The following SULF1 variants were observed in gnomAD, a reference collection of about 807,000 sequenced individuals.
The protein encoded by SULF1 is extracellular sulfatase Sulf-1.
In SULF1, 46 loss-of-function variants were observed where a neutral mutation model predicts 110.5. The observed-to-expected ratio is 0.42, with a 90% CI of 0.33 to 0.53. The LOEUF (loss-of-function observed/expected upper bound fraction) is 0.53, where lower values mean the gene tolerates loss of function less well. SULF1 is among the 20% of genes least tolerant of loss of function. SULF1 has a pLI of 0.12. For missense variants in SULF1, 941 were observed against 1,094.2 expected (o/e 0.86, Z 1.98); for synonymous variants, 371 against 387.1 (o/e 0.96, Z 0.49).
chr8:69,541,072 A>G (rs17645770), intron 3 of SULF1, among the ~76,000 whole-genome samples: 2,690 of 152,260 alleles, frequency 0.018, 43 homozygotes, highest in Non-Finnish European at 0.025. Context: ...CAAGCAGAAC[A>G]TAAGTGTGGG....
chr8:69,639,987 G>A (rs77916026), intron 21 of SULF1, among the ~76,000 whole-genome samples: 1,732 of 152,010 alleles, frequency 0.011, 38 homozygotes, highest in African/African-American at 0.039. Flanking sequence ...TGCAAAATAG[G>A]TCTTTTGGTC....
At chr8:69,639,989 CT>C (rs1811335853) in intron 21 of SULF1, among the ~76,000 whole-genome samples, 1 of 151,920 alleles carries the variant, frequency 6.6e-6, no homozygotes, top group Non-Finnish European at 1.5e-5. Flanking sequence ...CAAAATAGGT[CT>C]TTTGGTCACT....
chr8:69,546,731 C>G (rs1191755392), intron 3 of SULF1, among the ~76,000 whole-genome samples: 1 of 152,202 alleles, frequency 6.6e-6, no homozygotes, highest in Non-Finnish European at 1.5e-5. Flanking sequence ...TCTTCACATA[C>G]TCTTTTAAAA....
intron 15 of SULF1, among the ~76,000 whole-genome samples, chr8:69,626,630 G>C (rs1025363673): frequency 3.3e-5 from 5 of 152,226 alleles, no homozygotes; most frequent in Admixed American, 2.0e-4. Context: ...CCTGCCCTGC[G>C]GGAAGGCAGC....
intron 6 of SULF1, among the ~76,000 whole-genome samples, chr8:69,576,887 A>T (rs1298185643): frequency 2.6e-5 from 4 of 152,240 alleles, no homozygotes; most frequent in South Asian, 2.1e-4. Flanking sequence ...ATATGTTATG[A>T]TTAAAGCTTG....
chr8:69,628,005 A>T, intron 17 of SULF1, 139 bp downstream of exon 17: 1 of 891,096 alleles, frequency 1.1e-6, no homozygotes, highest in Non-Finnish European at 1.8e-6. Flanking sequence ...ATTTAAGTAA[A>T]ACTAAATATG....
At chr8:69,609,424 C>G (rs908443009) in intron 13 of SULF1, among the ~76,000 whole-genome samples, 5 of 152,176 alleles carry the variant, frequency 3.3e-5, no homozygotes, top group Non-Finnish European at 7.4e-5. Flanking sequence ...ATGCACCCCC[C>G]AGACCAACCA....
At chr8:69,573,101 A>G (rs1403504752) in intron 5 of SULF1, among the ~76,000 whole-genome samples, 1 of 152,230 alleles carries the variant, frequency 6.6e-6, no homozygotes, top group Middle Eastern at 3.2e-3. Flanking sequence ...TGCCGGGATT[A>G]CAGGCATGAG....
chr8:69,535,036 T>C (rs1157623875), intron 3 of SULF1, among the ~76,000 whole-genome samples: 1 of 152,226 alleles, frequency 6.6e-6, no homozygotes, highest in East Asian at 1.9e-4. Context: ...GCCTAAACTG[T>C]CCTAGGCAAG....
rs1353434581 is a variant in SULF1 at position 69,660,848 on chromosome 8, G to A, written c.*2313G>A. The A allele has an allele frequency of 6.6e-6, 1 of 152,560 alleles. No homozygotes were observed. The highest frequency in any genetic ancestry group is 2.4e-5 in the African/African-American group (1 of 41,422). The allele number at this position is 152,560 out of a possible 1,614,324, so 9.5% of individuals were successfully genotyped here. ...TATAATATTCCATGATACTTTTATA[G>A]AACAATTCTGGCTTCAGGAAAGTCT... On this transcript the variant is annotated 3_prime_UTR_variant, in exon 23 of 23. Transcript: ENST00000402687.
intron 3 of SULF1, among the ~76,000 whole-genome samples, chr8:69,543,248 C>T (rs1250215666): frequency 2.0e-5 from 3 of 152,044 alleles, no homozygotes; most frequent in African/African-American, 4.8e-5. Flanking sequence ...CCAGGGTACA[C>T]GTGCAAGATA....
intron 5 of SULF1, among the ~76,000 whole-genome samples, chr8:69,573,762 CA>C (rs1805408878): frequency 6.6e-6 from 1 of 152,166 alleles, no homozygotes; most frequent in Non-Finnish European, 1.5e-5. Context: ...TGTGATCAAC[CA>C]ACACAAATAT....
chr8:69,470,818 G>A lies in SULF1; in HGVS notation c.-391+3868G>A, dbSNP rs1380539283. Among the ~76,000 whole-genome samples the A allele has an allele frequency of 5.9e-5, 9 of 152,098 alleles. No individual in the cohort carries two copies. The East Asian group carries it at 9.6e-4, about 16-fold the overall frequency. The stretch of plus-strand genomic sequence containing the variant: ...CCGAACTTTCCAACCATTTCTCCCC[G>A]CCAAATCCCCACAACCTCAGAAGTC... On this transcript the variant is annotated intron_variant, in intron 1 of 22. Coordinates refer to the SULF1 transcript ENST00000260128.
chr8:69,580,886 C>T (rs149838872), intron 6 of SULF1, among the ~76,000 whole-genome samples: 14 of 152,092 alleles, frequency 9.2e-5, no homozygotes, highest in East Asian at 7.7e-4. Context: ...TGTCTTTTTA[C>T]GTTACAAAAT....
intron 22 of SULF1, among the ~76,000 whole-genome samples, chr8:69,652,789 T>C (rs961112935): frequency 3.3e-5 from 5 of 152,224 alleles, no homozygotes; most frequent in African/African-American, 1.2e-4. Context: ...GTAACCAATC[T>C]GGCTGCTTCT....
At chr8:69,466,812 T>G (rs1407305622) in exon 1 of SULF1, 1 of 152,348 alleles carries the variant, frequency 6.6e-6, no homozygotes, top group Non-Finnish European at 1.5e-5. Context: ...CGAGTGGGGA[T>G]TAAGAGAAGG....
At chr8:69,577,583 T>C (rs1255914113) in intron 6 of SULF1, among the ~76,000 whole-genome samples, 1 of 152,130 alleles carries the variant, frequency 6.6e-6, no homozygotes, top group Non-Finnish European at 1.5e-5. Context: ...ATGGATGACA[T>C]TTGTCATAAG....
At chr8:69,650,979 T>C (rs62512191) in intron 22 of SULF1, among the ~76,000 whole-genome samples, 18,132 of 151,990 alleles carry the variant, frequency 0.12, 2,256 homozygotes, top group African/African-American at 0.32. Flanking sequence ...TGAGGTGTCT[T>C]GGCATATAGA....
intron 13 of SULF1, among the ~76,000 whole-genome samples, chr8:69,607,210 A>G (rs1437704801): frequency 6.6e-5 from 10 of 152,226 alleles, no homozygotes; most frequent in Non-Finnish European, 1.3e-4. Flanking sequence ...GATGCTCCCT[A>G]AAGTTTGAGA....
Sources: gnomAD v4.1 joint callset for allele counts (sites outside exome capture counted in the v4.1 genomes callset) on GRCh38, gnomAD v4.1.1 for gene constraint, MANE v1.5 for transcripts, NCBI Gene and HGNC (gene_info 2026-07-23, HGNC 2026-07-21) for gene names.